The following COMMD2 variants were observed in gnomAD, a reference collection of about 807,000 sequenced individuals.
COMMD2 encodes the protein COMM domain containing 2.
A neutral mutation model predicts 22.5 loss-of-function variants in COMMD2; 25 were observed. That is an observed-to-expected ratio of 1.11 (90% CI 0.81 to 1.55). COMMD2 has a LOEUF of 1.55. Ranked by LOEUF, COMMD2 falls within the 40% of genes most tolerant of loss-of-function variation. The pLI, the probability that COMMD2 is intolerant of heterozygous loss-of-function variation, is 0.00. For synonymous variants in COMMD2, 98 were observed against 91.2 expected, an observed-to-expected ratio of 1.07 and a Z score of -0.42; for missense variants, 223 against 232.9, an observed-to-expected ratio of 0.96 and a Z score of 0.28.
Position 149,741,178 on chromosome 3 carries a change from C to T in COMMD2, c.*343G>A. 5.1e-6 allele frequency: 1 copy of T among 194,390 alleles called. No homozygotes were observed. The highest frequency in any genetic ancestry group is 1.1e-5 in the Non-Finnish European group (1 of 92,352). The allele number at this position is 194,390 out of a possible 1,614,324, so 12.0% of individuals were successfully genotyped here. ...TCCCAGGTTCAAGCGATTCTCCTGC[C>T]TCAGCCTCCTGAGTAGCTGGGACTC... On this transcript the variant is annotated 3_prime_UTR_variant, in exon 5 of 5. Coordinates refer to ENST00000473414, the MANE Select transcript of COMMD2 (RefSeq NM_016094.4).
Position 149,751,466 on chromosome 3 carries a change from A to T in COMMD2, c.165T>A (p.Ser55Arg), listed in dbSNP as rs1453465925. ...CTTCCACACCATGCTGGACAGTGTC[A>T]CTACTCACATTGAGTTTTCCTGAGA... The part of the protein sequence containing the change: ...EGAARKLNVS[S>R]DTVQHGVEGL... Residue 55 changes from serine (S) to arginine (R), a missense_variant, in exon 3 of 5, where the codon AGT becomes AGA. Transcript: ENST00000473414. The T allele has an allele frequency of 1.9e-6, 3 of 1,603,266 alleles. 1 individual carries two copies. The South Asian group carries it at 3.4e-5, about 18-fold the overall frequency.
chr3:149,750,670 T>G lies in COMMD2; in HGVS notation c.402+8A>C. ...TTCTATGTTAAGTTAATTTTAAAAA[T>G]GCTATACCTGTACATCTAGTCGCCA... On this transcript the variant is annotated splice_region_variant and intron_variant, in intron 4 of 4. Coordinates refer to ENST00000473414, the MANE Select transcript of COMMD2 (RefSeq NM_016094.4). 1 of 1,538,270 alleles carries G rather than the reference T, an allele frequency of 6.5e-7. No individual in the cohort carries two copies. The highest frequency in any genetic ancestry group is 8.8e-7 in the Non-Finnish European group (1 of 1,139,336).
intron 3 of COMMD2, 151 bp from the exon 4 acceptor site, chr3:149,751,002 T>C: frequency 1.7e-6 from 1 of 579,294 alleles, no homozygotes; most frequent in Non-Finnish European, 2.8e-6. Context: ...CCAAAATCTG[T>C]GTTACCAATA....
intron 4 of COMMD2, among the ~76,000 whole-genome samples, chr3:149,747,903 G>T (rs188513137): frequency 7.0e-6 from 1 of 142,166 alleles, no homozygotes; most frequent in Non-Finnish European, 1.5e-5. Flanking sequence ...AGCTGAGATC[G>T]CGCCACTGCA....
intron 4 of COMMD2, among the ~76,000 whole-genome samples, chr3:149,748,302 T>C (rs376004790): frequency 1.3e-5 from 2 of 152,156 alleles, no homozygotes; most frequent in Admixed American, 6.5e-5. Context: ...TTCTTTCCGA[T>C]TGCTTCTCTT....
rs1356985821 is a variant in COMMD2 at position 149,752,217 on chromosome 3, G to A, written c.138C>T (p.Gly46=). The part of the protein sequence containing the change: ...RRGANPKIYE[G]AARKLNVSSD... ...TCCCCTTTCCCTTCTTACTGGCGGCGCCTTCGTAGATTTTTGGGTTTGCGC... is the reference window on the plus strand; with the variant it reads ...TCCCCTTTCCCTTCTTACTGGCGGCACCTTCGTAGATTTTTGGGTTTGCGC... Residue 46 remains glycine, a synonymous_variant, in exon 2 of 5, where the codon GGC becomes GGT. Coordinates refer to ENST00000473414, the MANE Select transcript of COMMD2 (RefSeq NM_016094.4). The A allele has an allele frequency of 1.2e-6, 2 of 1,613,664 alleles. No homozygotes were observed. The highest frequency in any genetic ancestry group is 1.7e-6 in the Non-Finnish European group (2 of 1,179,820).
intron 4 of COMMD2, among the ~76,000 whole-genome samples, chr3:149,742,221 A>C (rs1716249316): frequency 6.6e-6 from 1 of 152,248 alleles, no homozygotes; most frequent in African/African-American, 2.4e-5. Flanking sequence ...ACATCAGGAT[A>C]ATAGCCAGTA....
At chr3:149,747,471 G>A (rs550757749) in intron 4 of COMMD2, among the ~76,000 whole-genome samples, 2 of 152,348 alleles carry the variant, frequency 1.3e-5, no homozygotes, top group East Asian at 1.9e-4. Flanking sequence ...TTCCAAGTAG[G>A]AAGGCGTGAC....
At position 149,741,452 on chromosome 3, in the gene COMMD2, T is replaced by C; in HGVS notation, c.*69A>G. On this transcript the variant is annotated 3_prime_UTR_variant, in exon 5 of 5. Transcript: ENST00000473414. ...ATCATGAATTAATAAAAAATTAATT[T>C]TGAAAAGTAATTGCTGTATATCATC... 1 of 1,253,670 alleles carries C rather than the reference T, an allele frequency of 8.0e-7. No homozygotes were observed. The allele number at this position is 1,253,670 out of a possible 1,614,324, so 77.7% of individuals were successfully genotyped here.
At position 149,740,844 on chromosome 3, in the gene COMMD2, T is replaced by C. The variant is rs1300248351; in HGVS notation, c.*677A>G. On this transcript the variant is annotated 3_prime_UTR_variant, in exon 5 of 5. Coordinates refer to ENST00000473414, the MANE Select transcript of COMMD2 (RefSeq NM_016094.4). ...AGAAGTAGCAAAAACAAGATAGTCA[T>C]TCATATATACAGAACATATAGATTC... 1 of 152,572 alleles carries C rather than the reference T, an allele frequency of 6.6e-6. No homozygotes were observed. Among genetic ancestry groups the C allele is most frequent in the African/African-American group, 2.4e-5 (1 of 41,438 alleles). 9.5% of individuals were successfully genotyped at this position (152,572 alleles called of 1,614,324 possible). A position where few individuals can be genotyped will look rare whatever the true frequency, so the allele number is the denominator to read the frequency against.
chr3:149,746,392 G>C (rs983018573), intron 4 of COMMD2, among the ~76,000 whole-genome samples: 1 of 152,112 alleles, frequency 6.6e-6, no homozygotes, highest in Non-Finnish European at 1.5e-5. Context: ...AGATGGGAGA[G>C]GCTATGGTAG....
rs376165583 is a variant in COMMD2 at position 149,750,675 on chromosome 3, T to C, written c.402+3A>G. The C allele has an allele frequency of 8.4e-6, 13 of 1,552,212 alleles. No individual in the cohort carries two copies. The South Asian group carries it at 8.6e-5, about 10-fold the overall frequency. On this transcript the variant is annotated splice_donor_region_variant and intron_variant, in intron 4 of 4. Coordinates refer to ENST00000473414, the MANE Select transcript of COMMD2 (RefSeq NM_016094.4). Reference sequence around the variant, plus strand: ...TGTTAAGTTAATTTTAAAAATGCTATACCTGTACATCTAGTCGCCATTCAA... The same window carrying C: ...TGTTAAGTTAATTTTAAAAATGCTACACCTGTACATCTAGTCGCCATTCAA...
intron 4 of COMMD2, among the ~76,000 whole-genome samples, chr3:149,749,440 G>C (rs1261572653): frequency 6.6e-6 from 1 of 152,136 alleles, no homozygotes. Context: ...TTTCCAAACT[G>C]TATTGCACAT....
chr3:149,751,202 C>A (rs1403102914), intron 3 of COMMD2: 3 of 700,468 alleles, frequency 4.3e-6, no homozygotes, highest in Non-Finnish European at 6.8e-6. Context: ...TACTTCTATA[C>A]TAGCTATTTA....
intron 1 of COMMD2, 34 bp downstream of exon 1, chr3:149,752,344 C>A: frequency 1.2e-6 from 2 of 1,613,906 alleles, no homozygotes; most frequent in East Asian, 4.5e-5. Context: ...ACCTCCTCCC[C>A]AGCCCACAGA....
chr3:149,752,027 A>G (rs1716546005), intron 2 of COMMD2, 183 bp downstream of exon 2: 1 of 545,186 alleles, frequency 1.8e-6, no homozygotes, highest in East Asian at 3.0e-5. Flanking sequence ...AGCTTTAACA[A>G]TCTCACAGCT....
Position 149,739,982 on chromosome 3 carries a change from C to A in COMMD2, c.*1539G>T, listed in dbSNP as rs1226905177. The A allele has an allele frequency of 6.6e-6, 1 of 152,176 alleles. No individual in the cohort carries two copies. The highest frequency in any genetic ancestry group is 1.5e-5 in the Non-Finnish European group (1 of 68,028). 9.4% of individuals were successfully genotyped at this position (152,176 alleles called of 1,614,324 possible). A position where few individuals can be genotyped will look rare whatever the true frequency, so the allele number is the denominator to read the frequency against. ...GGCTCTCTCTTCTCTAAAGAGATTG[C>A]AACATGGTATCACTCTGATATGAAA... On this transcript the variant is annotated 3_prime_UTR_variant, in exon 5 of 5. Transcript: ENST00000473414.
chr3:149,748,377 T>C (rs1223649783), intron 4 of COMMD2, among the ~76,000 whole-genome samples: 1 of 152,140 alleles, frequency 6.6e-6, no homozygotes, highest in Non-Finnish European at 1.5e-5. Context: ...GTTGAGGCTT[T>C]GAAGAAAGAG....
chr3:149,751,707 A>T, intron 2 of COMMD2: 1 of 415,172 alleles, frequency 2.4e-6, no homozygotes, highest in Non-Finnish European at 4.3e-6. Context: ...AGAACTGTGG[A>T]GACTAGTATC....
Sources: allele counts gnomAD v4.1 joint callset (sites outside exome capture counted in the v4.1 genomes callset), GRCh38; gene constraint gnomAD v4.1.1; transcripts MANE v1.5; gene names NCBI Gene and HGNC (gene_info 2026-07-23, HGNC 2026-07-21).